LRRK1: variants seen among roughly 807,000 people sequenced by gnomAD.
LRRK1 encodes leucine rich repeat kinase 1.
Under a neutral mutation model 209.1 loss-of-function variants are expected in LRRK1, and 113 were observed. That is an observed-to-expected ratio of 0.54 (90% CI 0.46 to 0.63). The LOEUF is 0.63. Among genes scored for constraint, LRRK1 ranks in the 30% least tolerant of loss-of-function variants. The probability of loss-of-function intolerance (pLI) is 0.00; values close to 1 mark genes in which losing one functional copy is unlikely to be tolerated. For missense variants in LRRK1, 2,284 were observed against 2,632.2 expected, an observed-to-expected ratio of 0.87 and a Z score of 2.89; for synonymous variants, 1,144 against 1,099.7, an observed-to-expected ratio of 1.04 and a Z score of -0.80.
chr15:101,016,474 C>A (rs1219725641), intron 12 of LRRK1, among the ~76,000 whole-genome samples: 14 of 151,426 alleles, frequency 9.2e-5, no homozygotes, highest in African/African-American at 3.4e-4. Flanking sequence ...GTGTGAGCCA[C>A]CACGCCCGGC....
intron 2 of LRRK1, among the ~76,000 whole-genome samples, chr15:100,927,964 G>T (rs1806043304): frequency 6.6e-6 from 1 of 152,196 alleles, no homozygotes. Context: ...TAATAAATGT[G>T]TACACTAAGA....
chr15:100,958,864 C>T (rs1174712219), intron 2 of LRRK1, among the ~76,000 whole-genome samples: 3 of 152,154 alleles, frequency 2.0e-5, no homozygotes, highest in African/African-American at 2.4e-5. Flanking sequence ...GTTTCTCTCC[C>T]GGGCTCTCTG....
intron 2 of LRRK1, among the ~76,000 whole-genome samples, chr15:100,944,948 A>G (rs2042507765): frequency 6.6e-6 from 1 of 152,194 alleles, no homozygotes; most frequent in Non-Finnish European, 1.5e-5. Flanking sequence ...TTTACACAAA[A>G]TGTAGCTGAT....
chr15:100,941,234 CTGTGTGTG>C (rs201161852), intron 2 of LRRK1, among the ~76,000 whole-genome samples: 3 of 127,440 alleles, frequency 2.4e-5, no homozygotes, highest in Admixed American at 7.8e-5. Flanking sequence ...GTGTGTGTGT[CTGTGTGTG>C]TCTGTCTGTG....
chr15:101,025,861 G>T, intron 16 of LRRK1, 104 bp from the exon 17 acceptor site: 2 of 1,229,872 alleles, frequency 1.6e-6, no homozygotes, highest in South Asian at 1.4e-5. Context: ...GCTGAGCAAG[G>T]GCCGTGGCAT....
chr15:100,952,531 C>T (rs766502965), intron 2 of LRRK1, among the ~76,000 whole-genome samples: 6 of 152,176 alleles, frequency 3.9e-5, no homozygotes, highest in Non-Finnish European at 5.9e-5. Context: ...ACGGGAGTAA[C>T]GGATCTGATC....
At chr15:101,067,006 G>A (rs2036568015) in intron 33 of LRRK1, among the ~76,000 whole-genome samples, 2 of 152,192 alleles carry the variant, frequency 1.3e-5, no homozygotes, top group Non-Finnish European at 2.9e-5. Context: ...CCTAACGAAT[G>A]TCTCCAGGGC....
rs150847510 is a variant in LRRK1, at chr15:101,060,530, G to A, written c.4680-641G>A. The stretch of plus-strand genomic sequence containing the variant: ...GGTGGCAGGAGAAACTTTATATTGA[G>A]AACTGCTATCCGCGAGCTTAACATA... On this transcript the variant is annotated intron_variant, in intron 29 of 33. Coordinates refer to ENST00000388948, the MANE Select transcript of LRRK1 (RefSeq NM_024652.6). Among the ~76,000 whole-genome samples, 350 of 152,348 alleles carry A rather than the reference G, an allele frequency of 2.3e-3. 7 individuals are homozygous for A. In the East Asian group the frequency reaches 0.033, roughly 14 times the overall value.
At chr15:100,987,430 G>A (rs7176015) in intron 4 of LRRK1, among the ~76,000 whole-genome samples, 77,222 of 151,908 alleles carry the variant, frequency 0.51, 20,403 homozygotes, top group African/African-American at 0.66. Context: ...TAACATTTCA[G>A]CCCACACTGC....
rs749536266 is a variant in LRRK1 at position 101,048,475 on chromosome 15, T to A, written c.3136-19T>A. On this transcript the variant is annotated intron_variant, in intron 21 of 33. Transcript: ENST00000388948. ...AGGAGCCCAGAATACTTAAGCAGGG[T>A]CTTTTCTCTGTCTTTCAGCTTTTTG... 3.8e-6 allele frequency: 6 copies of A among 1,599,642 alleles called. No individual in the cohort carries two copies. Among genetic ancestry groups the A allele is most frequent in the East Asian group, 2.3e-5 (1 of 43,984 alleles).
intron 6 of LRRK1, among the ~76,000 whole-genome samples, chr15:101,000,588 T>C (rs1269709436): frequency 1.3e-5 from 2 of 152,226 alleles, no homozygotes; most frequent in African/African-American, 2.4e-5. Context: ...AGGGAGGGTC[T>C]TTCCCTGCCC....
intron 31 of LRRK1, among the ~76,000 whole-genome samples, chr15:101,063,855 T>C (rs2036353201): frequency 6.6e-6 from 1 of 150,454 alleles, no homozygotes; most frequent in Non-Finnish European, 1.5e-5. Context: ...GAGTCATTTA[T>C]GACCATGGCC....
chr15:101,005,916 A>G (rs1298924382), intron 6 of LRRK1, among the ~76,000 whole-genome samples: 1 of 152,276 alleles, frequency 6.6e-6, no homozygotes, highest in Non-Finnish European at 1.5e-5. Flanking sequence ...AGGTAGCTTT[A>G]GCAAAACTTT....
chr15:100,987,404 G>A (rs972417089), intron 4 of LRRK1, among the ~76,000 whole-genome samples: 1 of 152,110 alleles, frequency 6.6e-6, no homozygotes. Context: ...GCACTATTTT[G>A]AACTTGAAGA....
At position 100,919,925 on chromosome 15, in the gene LRRK1, A is replaced by C. The variant is rs572888008; in HGVS notation, c.-123+474A>C. 6.6e-6 allele frequency: 1 copy of C among 152,570 alleles called. No individual in the cohort carries two copies. The highest frequency in any genetic ancestry group is 1.9e-4 in the East Asian group (1 of 5,164). 9.5% of individuals were successfully genotyped at this position (152,570 alleles called of 1,614,324 possible). The stretch of plus-strand genomic sequence containing the variant: ...GGTGAGCCCGTGCCGGGGTGTCGGC[A>C]AGAGACCGCCCGGGAGCCTCTCGCT... On this transcript the variant is annotated intron_variant, in intron 1 of 33. Transcript: ENST00000388948. The surrounding 1 kb of genome is among the most constrained non-coding windows in gnomAD (Gnocchi z 5.8).
rs201450091 is a variant in LRRK1 at position 101,012,012 on chromosome 15, G to A, written c.1286G>A (p.Cys429Tyr). 1 of 1,600,982 alleles carries A rather than the reference G, an allele frequency of 6.2e-7. No homozygotes were observed. The highest frequency in any genetic ancestry group is 1.3e-5 in the African/African-American group (1 of 74,114). ...TTTTTCTCGTCAATCTCTTAGAAAT[G>A]TTGTAAAGCTTCCAGAAATGCCCTG... ...FPDPWACPLK[C>Y]CKASRNALEC... Residue 429 changes from cysteine (C) to tyrosine (Y), a missense_variant, in exon 10 of 34, where the codon TGT becomes TAT. By Grantham distance (194) the Cys-to-Tyr change is radical. Transcript: ENST00000388948.
rs962693222 is a variant in LRRK1 at position 101,070,545 on chromosome 15, C to G, written c.*1697C>G. ...CCCAAGCTTTTGCTTTGGCATCACG[C>G]GAGGCCAGGCTGCTTTGCAGGCACC... On this transcript the variant is annotated 3_prime_UTR_variant, in exon 34 of 34. Transcript: ENST00000388948. 1.3e-5 allele frequency: 2 copies of G among 151,982 alleles called. No homozygotes were observed. Among genetic ancestry groups the G allele is most frequent in the Non-Finnish European group, 2.9e-5 (2 of 68,034 alleles). The allele number at this position is 151,982 out of a possible 1,614,324, so 9.4% of individuals were successfully genotyped here.
At position 101,053,436 on chromosome 15, in the gene LRRK1, G is replaced by A. The variant is rs11631875; in HGVS notation, c.4054+16G>A. Reference sequence around the variant, plus strand: ...AACGCCAGAGGTACCGCGGCGCGCCGCCCCACCCGGCCCCGGAGACCGACA... The same window carrying A: ...AACGCCAGAGGTACCGCGGCGCGCCACCCCACCCGGCCCCGGAGACCGACA... On this transcript the variant is annotated intron_variant, in intron 26 of 33. Transcript: ENST00000388948. 633,971 of 1,550,496 alleles carry A rather than the reference G, an allele frequency of 0.41. 136,327 individuals are homozygous for A. The highest frequency in any genetic ancestry group is 0.44 in the South Asian group (38,488 of 86,816).
At chr15:100,980,375 G>A (rs1025771726) in intron 3 of LRRK1, among the ~76,000 whole-genome samples, 18 of 152,100 alleles carry the variant, frequency 1.2e-4, no homozygotes, top group African/African-American at 4.1e-4. Flanking sequence ...TTTTACAGGT[G>A]GAAGAGAGAT....
Sources: allele counts gnomAD v4.1 joint callset (sites outside exome capture counted in the v4.1 genomes callset), GRCh38; gene constraint gnomAD v4.1.1; non-coding constraint Gnocchi (gnomAD v3.1); transcripts MANE v1.5; gene names NCBI Gene and HGNC (gene_info 2026-07-23, HGNC 2026-07-21).